The following CMBL variants were observed in gnomAD, a reference collection of about 807,000 sequenced individuals.
CMBL encodes the protein carboxymethylenebutenolidase homolog (Pseudomonas).
A neutral mutation model predicts 28.7 loss-of-function variants in CMBL; 17 were observed. The observed-to-expected ratio is 0.59, with a 90% CI of 0.41 to 0.89. The LOEUF is 0.89. Ranked by LOEUF, CMBL falls within the 40% of genes least tolerant of loss-of-function variation. The probability of loss-of-function intolerance (pLI) is 0.00; values close to 1 mark genes in which losing one functional copy is unlikely to be tolerated. For synonymous variants in CMBL, 106 were observed against 101.6 expected (o/e 1.04, Z -0.26); for missense variants, 310 against 298.5 (o/e 1.04, Z -0.28).
intron 1 of CMBL, among the ~76,000 whole-genome samples, chr5:10,300,284 G>A (rs1746877687): frequency 6.6e-6 from 1 of 152,146 alleles, no homozygotes; most frequent in Non-Finnish European, 1.5e-5. Flanking sequence ...ACCAGACGCT[G>A]GAATAGGCAA....
At chr5:10,282,104 G>C in intron 5 of CMBL, 93 bp downstream of exon 5, 1 of 850,654 alleles carries the variant, frequency 1.2e-6, no homozygotes, top group South Asian at 1.5e-5. Flanking sequence ...AGGTTGCAGT[G>C]AGCCGAGATC....
At chr5:10,307,586 G>A (rs2290670) in intron 1 of CMBL, 39 bp downstream of exon 1, 20,075 of 152,272 alleles carry the variant, frequency 0.13, 2,344 homozygotes, top group African/African-American at 0.32. Context: ...CGGGGCCCGG[G>A]CTTGTGTGGG....
chr5:10,292,743 G>A (rs1253264366), intron 1 of CMBL, among the ~76,000 whole-genome samples: 2 of 149,136 alleles, frequency 1.3e-5, no homozygotes, highest in Non-Finnish European at 1.5e-5. Flanking sequence ...AGAATCGCTC[G>A]AACTCGGGAG....
chr5:10,304,148 T>C (rs1467027856), intron 1 of CMBL, among the ~76,000 whole-genome samples: 1 of 150,744 alleles, frequency 6.6e-6, no homozygotes, highest in Non-Finnish European at 1.5e-5. Flanking sequence ...ATCACTTGAG[T>C]CCAGGAGTTC....
At position 10,279,290 on chromosome 5, in the gene CMBL, A is replaced by C. The variant is rs1167977530; in HGVS notation, c.*1163T>G. ...AAGCTGCAAATTCAAAAATTCAAAA[A>C]ATTAGTTTATTAGCTTAATATAATT... On this transcript the variant is annotated 3_prime_UTR_variant, in exon 6 of 6. Transcript: ENST00000296658. 6.6e-6 allele frequency: 1 copy of C among 152,140 alleles called. No individual in the cohort carries two copies. Among genetic ancestry groups the C allele is most frequent in the African/African-American group, 2.4e-5 (1 of 41,408 alleles). The allele number at this position is 152,140 out of a possible 1,614,324, so 9.4% of individuals were successfully genotyped here.
At chr5:10,299,605 A>C (rs1746859726) in intron 1 of CMBL, among the ~76,000 whole-genome samples, 1 of 152,004 alleles carries the variant, frequency 6.6e-6, no homozygotes, top group Admixed American at 6.6e-5. Flanking sequence ...TTGGGAGGCC[A>C]AGGCCGGGGG....
chr5:10,304,545 G>A (rs912529541), intron 1 of CMBL, among the ~76,000 whole-genome samples: 3 of 152,208 alleles, frequency 2.0e-5, no homozygotes, highest in South Asian at 2.1e-4. Flanking sequence ...CAGAATGGCC[G>A]CTTTGCGGGC....
intron 1 of CMBL, among the ~76,000 whole-genome samples, chr5:10,301,123 T>C (rs13361611): frequency 0.67 from 101,610 of 151,812 alleles, 35,056 homozygotes; most frequent in African/African-American, 0.71. Flanking sequence ...GGCTTTATTA[T>C]GTTTTATTTC....
intron 1 of CMBL, among the ~76,000 whole-genome samples, chr5:10,303,748 T>C (rs1375449292): frequency 6.6e-6 from 1 of 152,158 alleles, no homozygotes; most frequent in African/African-American, 2.4e-5. Flanking sequence ...CATTATCCGC[T>C]CCTGACTCAC....
chr5:10,302,817 A>AC (rs539575853), intron 1 of CMBL, among the ~76,000 whole-genome samples: 48 of 152,186 alleles, frequency 3.2e-4, no homozygotes, highest in Non-Finnish European at 5.9e-4. Flanking sequence ...CAAGTATTTT[A>AC]CCCCAAAATA....
At position 10,278,991 on chromosome 5, in the gene CMBL, C is replaced by A. The variant is rs1257691804; in HGVS notation, c.*1462G>T. ...GTCAGGGCAGGGCTAGAGTTTACAGCCACTCTCTCCTGAGAAGGACGTCAA... is the reference window on the plus strand; with the variant it reads ...GTCAGGGCAGGGCTAGAGTTTACAGACACTCTCTCCTGAGAAGGACGTCAA... On this transcript the variant is annotated 3_prime_UTR_variant, in exon 6 of 6. Transcript: ENST00000296658. 6.6e-6 allele frequency among the ~76,000 whole-genome samples: 1 copy of A among 152,178 alleles called. No homozygotes were observed. The highest frequency in any genetic ancestry group is 1.5e-5 in the Non-Finnish European group (1 of 68,042).
At chr5:10,285,700 CT>C (rs34390937) in intron 4 of CMBL, among the ~76,000 whole-genome samples, 8,433 of 133,644 alleles carry the variant, frequency 0.063, 314 homozygotes, top group South Asian at 0.13. Context: ...CTTTCTTTTT[CT>C]TTTTTTTTTT....
intron 4 of CMBL, 53 bp from the exon 5 acceptor site, chr5:10,282,341 G>T (rs1746509651): frequency 9.8e-7 from 1 of 1,019,618 alleles, no homozygotes; most frequent in Non-Finnish European, 1.6e-6. Context: ...CATGCCACAT[G>T]ATCCCCACAC....
chr5:10,299,404 A>G (rs1003769425), intron 1 of CMBL, among the ~76,000 whole-genome samples: 3 of 152,242 alleles, frequency 2.0e-5, no homozygotes, highest in Admixed American at 2.0e-4. Flanking sequence ...AAGTCTGTTA[A>G]CACAGAGATG....
At chr5:10,298,048 C>T (rs1031527368) in intron 1 of CMBL, among the ~76,000 whole-genome samples, 3 of 150,638 alleles carry the variant, frequency 2.0e-5, no homozygotes, top group Non-Finnish European at 2.9e-5. Flanking sequence ...GCAGTGGGAA[C>T]AGGCGAAGAG....
chr5:10,295,792 G>A (rs1221750269), intron 1 of CMBL, among the ~76,000 whole-genome samples: 2 of 152,192 alleles, frequency 1.3e-5, no homozygotes, highest in South Asian at 2.1e-4. Flanking sequence ...TTGAAGCCAC[G>A]TTTGTTAGAG....
At chr5:10,305,114 C>T (rs1375790518) in intron 1 of CMBL, among the ~76,000 whole-genome samples, 5 of 152,148 alleles carry the variant, frequency 3.3e-5, no homozygotes, top group Admixed American at 3.3e-4. Context: ...GTGTTTGGGG[C>T]CACCTTCTGG....
intron 1 of CMBL, among the ~76,000 whole-genome samples, chr5:10,301,050 T>C (rs1746889792): frequency 6.6e-6 from 1 of 151,950 alleles, no homozygotes; most frequent in South Asian, 2.1e-4. Context: ...CGCATGAGAA[T>C]GAATTATCAC....
At chr5:10,301,442 T>C (rs1274789641) in intron 1 of CMBL, among the ~76,000 whole-genome samples, 1 of 151,956 alleles carries the variant, frequency 6.6e-6, no homozygotes, top group Non-Finnish European at 1.5e-5. Flanking sequence ...TCAAGCCATG[T>C]TTCCCTCTGC....
Sources: allele counts gnomAD v4.1 joint callset (sites outside exome capture counted in the v4.1 genomes callset), GRCh38; gene constraint gnomAD v4.1.1; transcripts MANE v1.5; gene names NCBI Gene and HGNC (gene_info 2026-07-23, HGNC 2026-07-21).